DDX1: variants seen among roughly 807,000 people sequenced by gnomAD.
DDX1 encodes the protein ATP-dependent RNA helicase DDX1.
Under a neutral mutation model 108.7 loss-of-function variants are expected in DDX1, and 28 were observed. That is an observed-to-expected ratio of 0.26 (90% CI 0.19 to 0.35). The LOEUF (loss-of-function observed/expected upper bound fraction) is 0.35. Ranked by LOEUF, DDX1 falls within the 10% of genes least tolerant of loss-of-function variation. The pLI is 1.00. For missense variants in DDX1, 710 were observed against 884.5 expected, an observed-to-expected ratio of 0.80 and a Z score of 2.50; for synonymous variants, 295 against 288.9, an observed-to-expected ratio of 1.02 and a Z score of -0.21.
intron 9 of DDX1, 135 bp downstream of exon 9, chr2:15,604,025 G>A (rs1665627282): frequency 3.3e-6 from 2 of 603,136 alleles, no homozygotes; most frequent in Middle Eastern, 3.2e-4. Flanking sequence ...CAGAAAGTTT[G>A]GATTTGGACT....
rs764127792 is a variant in DDX1, at chr2:15,629,699, T to C, written c.1971+2T>C. 16 of 1,555,290 alleles carry C rather than the reference T, an allele frequency of 1.0e-5. No homozygotes were observed. Among genetic ancestry groups the C allele is most frequent in the Non-Finnish European group, 1.4e-5 (16 of 1,159,238 alleles). On this transcript the variant is annotated splice_donor_variant, in intron 24 of 25. Transcript: ENST00000233084. LOFTEE classifies it high-confidence loss of function. ...ACCATATGGTACAACGAGATGCAGG[T>C]AAGACTTCGAGTTAGGCTCACAAAT...
intron 20 of DDX1, 172 bp downstream of exon 20, chr2:15,627,317 A>AAATGG (rs1666117096): frequency 2.5e-5 from 12 of 474,794 alleles, no homozygotes; most frequent in Middle Eastern, 5.6e-4. Flanking sequence ...GTTGACACTC[A>AAATGG]AATGGTAAAT....
chr2:15,609,777 G>A (rs1665724234), intron 13 of DDX1, among the ~76,000 whole-genome samples: 1 of 152,182 alleles, frequency 6.6e-6, no homozygotes. Flanking sequence ...TAGGACAATA[G>A]TCCAAACCTA....
chr2:15,608,286 T>C (rs1665698111), intron 13 of DDX1, among the ~76,000 whole-genome samples: 1 of 152,128 alleles, frequency 6.6e-6, no homozygotes, highest in South Asian at 2.1e-4. Flanking sequence ...CCCAGTACTT[T>C]GGGGGGCCGA....
At chr2:15,599,603 G>A (rs372126238) in intron 5 of DDX1, 66 bp from the exon 6 acceptor site, 44 of 1,282,600 alleles carry the variant, frequency 3.4e-5, no homozygotes, top group East Asian at 4.9e-5. Flanking sequence ...GTGAGTCACC[G>A]CACCCGGCCA....
chr2:15,594,672 C>A (rs996553727), intron 1 of DDX1, among the ~76,000 whole-genome samples: 9 of 152,084 alleles, frequency 5.9e-5, no homozygotes, highest in Non-Finnish European at 1.5e-5. Context: ...CATTTTTTTC[C>A]AATTGCTGAG....
rs937721295 is a variant in DDX1 at position 15,629,093 on chromosome 2, C to T, written c.1875+254C>T. ...TCATTTCCACCAAAAAATATTTAAA[C>T]ATTTTCTGGCATGGTGCCATGGAAG... On this transcript the variant is annotated intron_variant, in intron 23 of 25. Transcript: ENST00000233084. Among the ~76,000 whole-genome samples the T allele has an allele frequency of 2.0e-5, 3 of 152,006 alleles. No individual in the cohort carries two copies. In the East Asian group the frequency reaches 5.8e-4, roughly 29 times the overall value.
intron 24 of DDX1, 42 bp downstream of exon 24, chr2:15,629,739 G>T: frequency 7.1e-7 from 1 of 1,404,898 alleles, no homozygotes; most frequent in Non-Finnish European, 9.7e-7. Context: ...TATTAAAATG[G>T]TAGAATAGAA....
intron 1 of DDX1, among the ~76,000 whole-genome samples, chr2:15,592,807 A>G (rs1665436639): frequency 1.3e-5 from 2 of 151,868 alleles, no homozygotes; most frequent in South Asian, 4.1e-4. Context: ...AATGTTATTA[A>G]CTTTTTAAGA....
intron 17 of DDX1, 123 bp downstream of exon 17, chr2:15,620,519 G>A (rs891746114): frequency 5.7e-6 from 4 of 700,874 alleles, no homozygotes; most frequent in South Asian, 2.1e-5. Context: ...CCAATACATC[G>A]TAAACCCTTA....
chr2:15,593,497 C>T (rs1665451230), intron 1 of DDX1, among the ~76,000 whole-genome samples: 1 of 152,184 alleles, frequency 6.6e-6, no homozygotes, highest in African/African-American at 2.4e-5. Context: ...TTAAGGTCCG[C>T]TTTCAAAGAA....
At position 15,621,202 on chromosome 2, in the gene DDX1, T is replaced by G. The variant is rs1014630654; in HGVS notation, c.1447+86T>G. ...TTCTCATGAAGGATGTGAGGTGACC[T>G]GCAAAATTAAAACAGGAAATTTGGA... On this transcript the variant is annotated intron_variant, in intron 18 of 25. Transcript: ENST00000233084. 1.4e-5 allele frequency: 13 copies of G among 902,204 alleles called. No homozygotes were observed. The African/African-American group carries it at 1.9e-4, about 13-fold the overall frequency. The allele number at this position is 902,204 out of a possible 1,614,324, so 55.9% of individuals were successfully genotyped here. A position where few individuals can be genotyped will look rare whatever the true frequency, so the allele number is the denominator to read the frequency against.
Position 15,621,099 on chromosome 2 carries a change from C to G in DDX1, c.1430C>G (p.Pro477Arg). The change falls in exon 18 of 26, where the codon CCT (proline) becomes CGT (arginine). Residue 477 changes from proline to arginine, a missense_variant. Coordinates refer to ENST00000233084, the MANE Select transcript of DDX1 (RefSeq NM_004939.3). ...DDVHAKDNTR[P>R]GANSPEMWSE... is the part of the protein sequence containing the mutation. ...GTACATGCAAAAGATAACACAAGAC[C>G]TGGTGCTAATAGTCCAGGTGAGTTA... The G allele has an allele frequency of 6.2e-7, 1 of 1,610,230 alleles. No homozygotes were observed. Among genetic ancestry groups the G allele is most frequent in the Non-Finnish European group, 8.5e-7 (1 of 1,177,704 alleles).
chr2:15,608,134 T>TA (rs1367950826), intron 13 of DDX1, among the ~76,000 whole-genome samples: 2 of 152,198 alleles, frequency 1.3e-5, no homozygotes, highest in Non-Finnish European at 2.9e-5. Context: ...ATATAAGTAA[T>TA]ACACTCTGTT....
rs758518473 is a variant in DDX1 at position 15,629,707 on chromosome 2, C to T, written c.1971+10C>T. On this transcript the variant is annotated intron_variant, in intron 24 of 25. Coordinates refer to ENST00000233084, the MANE Select transcript of DDX1 (RefSeq NM_004939.3). ...GTACAACGAGATGCAGGTAAGACTT[C>T]GAGTTAGGCTCACAAATAATGTATT... The T allele has an allele frequency of 5.9e-6, 9 of 1,527,350 alleles. No homozygotes were observed. Among genetic ancestry groups the T allele is most frequent in the South Asian group, 3.9e-5 (3 of 77,718 alleles). 94.6% of individuals were successfully genotyped at this position (1,527,350 alleles called of 1,614,324 possible).
intron 13 of DDX1, among the ~76,000 whole-genome samples, 194 bp from the exon 14 acceptor site, chr2:15,613,030 G>C (rs1665805143): frequency 1.3e-5 from 2 of 151,768 alleles, no homozygotes; most frequent in South Asian, 4.2e-4. Flanking sequence ...TGGGGAGAGG[G>C]AGAGGGGGAG....
chr2:15,603,938 G>T (rs1367605773), intron 9 of DDX1, 48 bp downstream of exon 9: 1 of 1,238,930 alleles, frequency 8.1e-7, no homozygotes, highest in Non-Finnish European at 1.2e-6. Flanking sequence ...AAGTTTTCTT[G>T]CATACTTAAT....
chr2:15,612,563 T>G, intron 13 of DDX1, among the ~76,000 whole-genome samples: 1 of 131,102 alleles, frequency 7.6e-6, no homozygotes, highest in Non-Finnish European at 1.6e-5. Context: ...TCCCAGATGA[T>G]GGGCGGCCAG....
intron 1 of DDX1, 90 bp downstream of exon 1, chr2:15,592,039 C>T (rs1665421728): frequency 9.1e-6 from 11 of 1,205,388 alleles, no homozygotes; most frequent in African/African-American, 3.2e-5. Context: ...GGGGCGGGAG[C>T]GGACAGGGGT....
Sources: allele counts gnomAD v4.1 joint callset (sites outside exome capture counted in the v4.1 genomes callset), GRCh38; gene constraint gnomAD v4.1.1; transcripts MANE v1.5; gene names NCBI Gene and HGNC (gene_info 2026-07-23, HGNC 2026-07-21).